FUBP1: variants seen among roughly 807,000 people sequenced by gnomAD.
FUBP1 encodes the protein far upstream element binding protein 1.
Under a neutral mutation model 94.9 loss-of-function variants are expected in FUBP1, and 16 were observed. The ratio of observed to expected loss-of-function variants is 0.17; its 90% CI spans 0.11 to 0.26. FUBP1 has a LOEUF of 0.26. Among genes scored for constraint, FUBP1 ranks in the 10% least tolerant of loss-of-function variants. The probability of loss-of-function intolerance (pLI) is 1.00; values close to 1 mark genes in which losing one functional copy is unlikely to be tolerated. For synonymous variants in FUBP1, 279 were observed against 254.9 expected (o/e 1.09, Z -0.90); for missense variants, 583 against 808.6 (o/e 0.72, Z 3.38).
intron 1 of FUBP1, among the ~76,000 whole-genome samples, chr1:77,977,756 A>T (rs1355860612): frequency 6.6e-6 from 1 of 152,274 alleles, no homozygotes; most frequent in East Asian, 1.9e-4. Context: ...CAGAACTAAT[A>T]TTAATGATGA....
In FUBP1 at chr1:77,966,743, C is replaced by A. The variant is rs2102417434; in HGVS notation, c.424G>T (p.Gly142Cys). Residue 142 changes from glycine (G) to cysteine (C), a missense_variant, in exon 7 of 20, where the codon GGC becomes TGC. Gly to Cys is a radical substitution (Grantham distance 159, BLOSUM62 -3). Coordinates refer to ENST00000370768, the MANE Select transcript of FUBP1 (RefSeq NM_003902.5). ...CKIQIAPDSG[G>C]LPERSCMLTG... ...AACATACAGGACCTTTCTGGAAGGC[C>A]ACCACTGTCTACAATTTAAAACAAA... 6.4e-7 allele frequency: 1 copy of A among 1,567,700 alleles called. No individual in the cohort carries two copies. Among genetic ancestry groups the A allele is most frequent in the Non-Finnish European group, 8.8e-7 (1 of 1,138,298 alleles).
chr1:77,966,491 C>A (rs1370776265), intron 7 of FUBP1, among the ~76,000 whole-genome samples: 2 of 152,092 alleles, frequency 1.3e-5, no homozygotes, highest in Admixed American at 1.3e-4. Context: ...GTTGTTTTAA[C>A]CATTTTCTGT....
chr1:77,977,926 T>C (rs1481040050), intron 1 of FUBP1, among the ~76,000 whole-genome samples: 5 of 152,248 alleles, frequency 3.3e-5, no homozygotes, highest in African/African-American at 9.6e-5. Context: ...AGTGAACTCC[T>C]AATGCAACGA....
chr1:77,976,787 C>A (rs1032884748), intron 1 of FUBP1, among the ~76,000 whole-genome samples: 1 of 152,196 alleles, frequency 6.6e-6, no homozygotes, highest in Non-Finnish European at 1.5e-5. Flanking sequence ...GCCACCGTAC[C>A]CGGCCTGAAA....
rs762822484 is a variant in FUBP1 at position 77,967,582 on chromosome 1, C to T, written c.290+45G>A. The T allele has an allele frequency of 1.0e-5, 15 of 1,496,094 alleles. No homozygotes were observed. In the South Asian group the frequency reaches 1.7e-4, roughly 17 times the overall value. 92.7% of individuals were successfully genotyped at this position (1,496,094 alleles called of 1,614,324 possible). A position where few individuals can be genotyped will look rare whatever the true frequency, so the allele number is the denominator to read the frequency against. On this transcript the variant is annotated intron_variant, in intron 4 of 19. Coordinates refer to ENST00000370768, the MANE Select transcript of FUBP1 (RefSeq NM_003902.5). ...TGTGGTTGTGTTTTTACATACAGCT[C>T]AACCAAAACTTGCAGAGTACTTTTT...
intron 18 of FUBP1, among the ~76,000 whole-genome samples, chr1:77,949,590 G>A (rs576844214): frequency 4.0e-5 from 6 of 150,892 alleles, no homozygotes; most frequent in African/African-American, 1.5e-4. Context: ...AAAAAAAAAA[G>A]AACGCTCTTT....
chr1:77,979,083 C>T (rs1184248883), upstream of FUBP1: 9 of 1,370,560 alleles, frequency 6.6e-6, no homozygotes, highest in South Asian at 8.3e-5. Context: ...AAAATGGCGG[C>T]CGTCGAAGCT....
intron 16 of FUBP1, among the ~76,000 whole-genome samples, chr1:77,959,174 G>A (rs558055385): frequency 6.6e-6 from 1 of 152,180 alleles, no homozygotes; most frequent in East Asian, 1.9e-4. Flanking sequence ...CCATAATTGA[G>A]TATATTTTCC....
At chr1:77,968,110 C>A in intron 3 of FUBP1, 55 bp downstream of exon 3, 1 of 1,146,712 alleles carries the variant, frequency 8.7e-7, no homozygotes, top group South Asian at 1.4e-5. Context: ...TGAACAAAAT[C>A]TTAACATTGA....
chr1:77,977,727 A>C (rs927183361), intron 1 of FUBP1, among the ~76,000 whole-genome samples: 1 of 152,218 alleles, frequency 6.6e-6, no homozygotes, highest in Non-Finnish European at 1.5e-5. Flanking sequence ...GAATTTCTTA[A>C]ATTACGTGGA....
At chr1:77,967,600 T>C in intron 4 of FUBP1, 27 bp downstream of exon 4, 4 of 1,560,150 alleles carry the variant, frequency 2.6e-6, no homozygotes, top group Non-Finnish European at 3.5e-6. Context: ...ACTTGCAGAG[T>C]ACTTTTTGAA....
rs1031115329 is a variant in FUBP1, at chr1:77,946,313, A to T, written c.*2453T>A. Among the ~76,000 whole-genome samples, 11 of 144,286 alleles carry T rather than the reference A, an allele frequency of 7.6e-5. No homozygotes were observed. Among genetic ancestry groups the T allele is most frequent in the Non-Finnish European group, 1.1e-4 (7 of 65,324 alleles). 94.7% of individuals were successfully genotyped at this position (144,286 alleles called of 152,430 possible). ...CTACTCATCATTTTCTTGTCTTAAT[A>T]AAAAAAAAAAAGTAAAATAAAAAAC... On this transcript the variant is annotated 3_prime_UTR_variant, in exon 20 of 20. Coordinates refer to ENST00000370768, the MANE Select transcript of FUBP1 (RefSeq NM_003902.5).
chr1:77,979,093 T>C (rs529079154), upstream of FUBP1: 27 of 1,197,808 alleles, frequency 2.3e-5, no homozygotes, highest in South Asian at 1.6e-4. Flanking sequence ...CCGTCGAAGC[T>C]CTATTACATT....
At chr1:77,971,148 G>C (rs1657460839) in intron 1 of FUBP1, among the ~76,000 whole-genome samples, 1 of 152,110 alleles carries the variant, frequency 6.6e-6, no homozygotes, top group Non-Finnish European at 1.5e-5. Flanking sequence ...AACCGAAGTA[G>C]TTCCCATTTC....
intron 2 of FUBP1, among the ~76,000 whole-genome samples, chr1:77,968,851 C>A (rs909025000): frequency 6.6e-6 from 1 of 152,120 alleles, no homozygotes; most frequent in Non-Finnish European, 1.5e-5. Context: ...GCTCAAAGTA[C>A]TACATTCTCC....
intron 18 of FUBP1, among the ~76,000 whole-genome samples, chr1:77,952,761 GAAA>G (rs1348106644): frequency 6.6e-6 from 1 of 152,128 alleles, no homozygotes; most frequent in African/African-American, 2.4e-5. Flanking sequence ...AACTTTTATA[GAAA>G]AAGACAAATT....
At chr1:77,963,160 A>G (rs1199467788) in intron 13 of FUBP1, among the ~76,000 whole-genome samples, 1 of 152,208 alleles carries the variant, frequency 6.6e-6, no homozygotes, top group Non-Finnish European at 1.5e-5. Context: ...GTATGTTTAA[A>G]CATAAACTTA....
rs1365603624 is a variant in FUBP1 at position 77,945,171 on chromosome 1, A to AT, written c.*3594dup. Among the ~76,000 whole-genome samples, 2 of 151,976 alleles carry AT rather than the reference A, an allele frequency of 1.3e-5. No individual in the cohort carries two copies. The highest frequency in any genetic ancestry group is 2.9e-5 in the Non-Finnish European group (2 of 67,862). On this transcript the variant is annotated 3_prime_UTR_variant, in exon 20 of 20. Transcript: ENST00000370768. ...AAAGAATTCTCATGAGACAGAAACAATGCCCCAATATCTATTATCATCAAT... is the reference window on the plus strand; with the variant it reads ...AAAGAATTCTCATGAGACAGAAACAATTGCCCCAATATCTATTATCATCAAT...
intron 1 of FUBP1, among the ~76,000 whole-genome samples, chr1:77,972,202 A>C (rs1657687375): frequency 6.6e-6 from 1 of 152,138 alleles, no homozygotes; most frequent in South Asian, 2.1e-4. Context: ...GTTCCTCAGG[A>C]AAGTAAATAC....
Sources: allele counts gnomAD v4.1 joint callset (sites outside exome capture counted in the v4.1 genomes callset), GRCh38; gene constraint gnomAD v4.1.1; transcripts MANE v1.5; gene names NCBI Gene and HGNC (gene_info 2026-07-23, HGNC 2026-07-21).